The following AAMDC variants were observed in gnomAD, a reference collection of about 807,000 sequenced individuals.
AAMDC encodes the protein adipogenesis associated Mth938 domain containing, also known as mth938 domain-containing protein.
Under a neutral mutation model 15.5 loss-of-function variants are expected in AAMDC, and 16 were observed. The ratio of observed to expected loss-of-function variants is 1.03; its 90% CI spans 0.70 to 1.57. AAMDC has a LOEUF of 1.57. Ranked by LOEUF, AAMDC falls within the 40% of genes most tolerant of loss-of-function variation. AAMDC has a pLI of 0.00. For synonymous variants in AAMDC, 51 were observed against 51.6 expected, an observed-to-expected ratio of 0.99 and a Z score of 0.05; for missense variants, 141 against 144.9, an observed-to-expected ratio of 0.97 and a Z score of 0.14.
rs78103795 is a variant in AAMDC, at chr11:77,821,996, G to A, written c.-19+755G>A. On this transcript the variant is annotated intron_variant, in intron 1 of 3. Transcript: ENST00000393427. ...ACAGTAAAGTGATTAGCACAGTGCC[G>A]TAGCACATAGTGAGTACTTTAAAAA... Among the ~76,000 whole-genome samples the A allele has an allele frequency of 2.1e-3, 316 of 152,084 alleles. 5 individuals carry two copies. The East Asian group carries it at 0.032, about 16-fold the overall frequency.
intron 2 of AAMDC, among the ~76,000 whole-genome samples, chr11:77,864,347 G>A (rs1043190969): frequency 1.7e-4 from 26 of 151,768 alleles, no homozygotes; most frequent in African/African-American, 6.3e-4. Context: ...GCTGAGGCAG[G>A]GAGAATCGCT....
chr11:77,861,707 A>G (rs1233855111), intron 2 of AAMDC, among the ~76,000 whole-genome samples: 1 of 152,174 alleles, frequency 6.6e-6, no homozygotes, highest in Non-Finnish European at 1.5e-5. Flanking sequence ...AGCAAGCCCT[A>G]TTAGGCATTC....
chr11:77,850,349 A>C (rs1590949174), intron 2 of AAMDC, among the ~76,000 whole-genome samples: 1 of 152,190 alleles, frequency 6.6e-6, no homozygotes, highest in South Asian at 2.1e-4. Context: ...ATAACTAATA[A>C]TTTTTGGAAC....
chr11:77,825,006 A>G (rs1011563680), intron 1 of AAMDC, among the ~76,000 whole-genome samples: 1 of 152,048 alleles, frequency 6.6e-6, no homozygotes, highest in African/African-American at 2.4e-5. Context: ...TTTGAGACAG[A>G]GTCTCACTCT....
chr11:77,873,385 T>C (rs1304191270), downstream of AAMDC, among the ~76,000 whole-genome samples: 1 of 152,242 alleles, frequency 6.6e-6, no homozygotes, highest in Non-Finnish European at 1.5e-5. Context: ...TTAATGGGGA[T>C]ACTGTGTAAA....
At chr11:77,869,306 C>CTTTTTTTTTTTTTTT (rs1358517135) in intron 2 of AAMDC, 3 of 120,370 alleles carry the variant, frequency 2.5e-5, no homozygotes, top group African/African-American at 9.7e-5. Context: ...TTATTTATCT[C>CTTTTTTTTTTTTTTT]TTTTTCTTTT....
At chr11:77,847,361 C>T (rs545235009) in intron 2 of AAMDC, among the ~76,000 whole-genome samples, 1 of 152,330 alleles carries the variant, frequency 6.6e-6, no homozygotes, top group African/African-American at 2.4e-5. Context: ...TAGTCTATCA[C>T]ATTGTTCTGC....
chr11:77,861,079 A>C (rs936854585), intron 2 of AAMDC, among the ~76,000 whole-genome samples: 2 of 152,062 alleles, frequency 1.3e-5, no homozygotes, highest in Admixed American at 1.3e-4. Flanking sequence ...AGAATCCTTT[A>C]ATTTAATTTG....
chr11:77,897,262 G>T (rs1278903581), intron 5 of AAMDC, among the ~76,000 whole-genome samples: 1 of 151,724 alleles, frequency 6.6e-6, no homozygotes, highest in African/African-American at 2.4e-5. Context: ...GGGAGGCCGA[G>T]GTGGAAGGAC....
At chr11:77,850,227 T>C (rs1950316719) in intron 2 of AAMDC, among the ~76,000 whole-genome samples, 1 of 152,160 alleles carries the variant, frequency 6.6e-6, no homozygotes, top group African/African-American at 2.4e-5. Flanking sequence ...TAAGAAAATG[T>C]AAGGTCTTCA....
chr11:77,857,101 T>A (rs1262894672), intron 2 of AAMDC, among the ~76,000 whole-genome samples: 1 of 152,246 alleles, frequency 6.6e-6, no homozygotes, highest in Non-Finnish European at 1.5e-5. Context: ...AGGTTCTGCT[T>A]ACTGGCGTTG....
intron 5 of AAMDC, among the ~76,000 whole-genome samples, chr11:77,880,402 G>A (rs1951746766): frequency 6.6e-6 from 1 of 152,196 alleles, no homozygotes; most frequent in African/African-American, 2.4e-5. Context: ...ATTTCAGCAT[G>A]AGATCTAAGT....
rs781247642 is a variant in AAMDC, at chr11:77,833,009, AT to A, written c.-18-9450del. ...TGTGTGTGTGTGTGTATATATATAT[AT>A]TTTTTTTTTTTTTTTTTTTGAGACA... On this transcript the variant is annotated intron_variant, in intron 1 of 3. Coordinates refer to ENST00000393427, the MANE Select transcript of AAMDC (RefSeq NM_024684.4). Among the ~76,000 whole-genome samples the A allele has an allele frequency of 8.4e-3, 503 of 60,008 alleles. 8 individuals are homozygous for A. Among genetic ancestry groups the A allele is most frequent in the Non-Finnish European group, 1.0e-2 (331 of 33,110 alleles). The allele number at this position is 60,008 out of a possible 152,430, so 39.4% of individuals were successfully genotyped here.
intron 2 of AAMDC, 54 bp from the exon 3 acceptor site, chr11:77,869,668 T>A: frequency 6.6e-7 from 1 of 1,505,042 alleles, no homozygotes; most frequent in Non-Finnish European, 9.2e-7. Flanking sequence ...AGAATGCCTA[T>A]TGCAATGAAA....
chr11:77,884,817 C>A, intron 5 of AAMDC: 1 of 406,364 alleles, frequency 2.5e-6, no homozygotes, highest in South Asian at 1.8e-5. Flanking sequence ...TGCAGTGGCA[C>A]GATCATAACT....
intron 2 of AAMDC, chr11:77,868,643 C>CT (rs371038818): frequency 4.1e-4 from 60 of 147,432 alleles, no homozygotes; most frequent in East Asian, 4.0e-4. Context: ...ACCTGGCCAC[C>CT]TTTTTTTTTT....
At chr11:77,831,092 C>T (rs1217073506) in intron 1 of AAMDC, among the ~76,000 whole-genome samples, 1 of 151,712 alleles carries the variant, frequency 6.6e-6, no homozygotes, top group Non-Finnish European at 1.5e-5. Flanking sequence ...CTTCAGTGAG[C>T]TGTAATCATG....
chr11:77,821,760 G>A (rs1269800930), intron 1 of AAMDC, among the ~76,000 whole-genome samples: 1 of 152,098 alleles, frequency 6.6e-6, no homozygotes, highest in African/African-American at 2.4e-5. Context: ...CACAAAGAAC[G>A]CCAGAGAGAA....
At chr11:77,875,593 C>G (rs1176777578), downstream of AAMDC, among the ~76,000 whole-genome samples, 4 of 152,128 alleles carry the variant, frequency 2.6e-5, no homozygotes, top group Non-Finnish European at 5.9e-5. Context: ...ATCTTCTAGG[C>G]CACTTTATTC....
Sources: allele counts gnomAD v4.1 joint callset (sites outside exome capture counted in the v4.1 genomes callset), GRCh38; gene constraint gnomAD v4.1.1; transcripts MANE v1.5; gene names NCBI Gene and HGNC (gene_info 2026-07-23, HGNC 2026-07-21).